RNLS: variants seen among roughly 807,000 people sequenced by gnomAD.
RNLS encodes the protein renalase, FAD dependent amine oxidase.
A neutral mutation model predicts 39.8 loss-of-function variants in RNLS; 39 were observed. The observed-to-expected ratio is 0.98, with a 90% CI of 0.76 to 1.28. The LOEUF (loss-of-function observed/expected upper bound fraction) is 1.28. Among genes scored for constraint, RNLS ranks in the 50% most tolerant of loss-of-function variants. The probability of loss-of-function intolerance (pLI) is 0.00; values close to 1 mark genes in which losing one functional copy is unlikely to be tolerated. For synonymous variants in RNLS, 147 were observed against 150.7 expected, an observed-to-expected ratio of 0.98 and a Z score of 0.18; for missense variants, 410 against 413.3, an observed-to-expected ratio of 0.99 and a Z score of 0.07.
the RNLS span, among the ~76,000 whole-genome samples, chr10:88,203,296 GTATATATA>G: frequency 1.1e-3 from 3 of 2,748 alleles, no homozygotes; most frequent in African/African-American, 5.0e-3. Flanking sequence ...ATATACGTAT[GTATATATA>G]TATATATACG....
At chr10:88,541,987 G>T (rs113323121) in intron 4 of RNLS, among the ~76,000 whole-genome samples, 1,959 of 152,226 alleles carry the variant, frequency 0.013, 47 homozygotes, top group African/African-American at 0.044. Context: ...AGGTATTTCT[G>T]GGGGAGAAGG....
At chr10:88,299,725 A>G (rs977238216) in intron 6 of RNLS, among the ~76,000 whole-genome samples, 2 of 152,196 alleles carry the variant, frequency 1.3e-5, no homozygotes, top group African/African-American at 4.8e-5. Context: ...CAGGTCTATG[A>G]TCCATTTTTA....
the RNLS span, among the ~76,000 whole-genome samples, chr10:88,199,309 TG>T: frequency 0.012 from 1,889 of 152,212 alleles, 17 homozygotes; most frequent in Non-Finnish European, 0.02. Context: ...GGGTGTGGCC[TG>T]GGGGGTCCTG....
At chr10:88,565,754 T>C (rs1167518534) in intron 4 of RNLS, among the ~76,000 whole-genome samples, 2 of 144,942 alleles carry the variant, frequency 1.4e-5, no homozygotes, top group African/African-American at 2.6e-5. Flanking sequence ...TTTCTTTTTT[T>C]TTTTTTTTTT....
the RNLS span, among the ~76,000 whole-genome samples, chr10:88,172,858 T>TTTTTTTG: frequency 1.3e-5 from 1 of 79,476 alleles, no homozygotes; most frequent in Non-Finnish European, 2.9e-5. Flanking sequence ...TTTTTTTTTT[T>TTTTTTTG]TTTTTTTTTT....
intron 6 of RNLS, among the ~76,000 whole-genome samples, chr10:88,308,183 C>T (rs1389419062): frequency 1.3e-5 from 2 of 152,132 alleles, no homozygotes; most frequent in African/African-American, 2.4e-5. Context: ...CCCTGGAAGA[C>T]AACCTAGGCA....
chr10:88,492,024 A>T (rs1192580350), intron 4 of RNLS, among the ~76,000 whole-genome samples: 1 of 152,048 alleles, frequency 6.6e-6, no homozygotes, highest in Non-Finnish European at 1.5e-5. Flanking sequence ...GAAAGGTAAA[A>T]AGAAAAATCA....
Position 88,510,431 on chromosome 10 carries a change from C to G in RNLS, c.526+62472G>C, listed in dbSNP as rs544263573. On this transcript the variant is annotated intron_variant, in intron 4 of 6. Transcript: ENST00000331772. The stretch of plus-strand genomic sequence containing the variant: ...AAACTCCACTGACTCACATCACAAG[C>G]AGCTTCAGAACAAAGTTTTTGCTAA... Among the ~76,000 whole-genome samples the G allele has an allele frequency of 3.3e-5, 5 of 152,180 alleles. No individual in the cohort carries two copies. The South Asian group carries it at 1.0e-3, about 32-fold the overall frequency.
intron 4 of RNLS, among the ~76,000 whole-genome samples, chr10:88,532,451 A>G (rs1308539230): frequency 1.3e-5 from 2 of 152,038 alleles, no homozygotes; most frequent in Non-Finnish European, 2.9e-5. Context: ...TATTGTTTCT[A>G]ATGATGAAAT....
At chr10:88,402,120 A>G (rs185997545) in intron 4 of RNLS, among the ~76,000 whole-genome samples, 1 of 152,156 alleles carries the variant, frequency 6.6e-6, no homozygotes, top group Non-Finnish European at 1.5e-5. Flanking sequence ...CATGCCTTTC[A>G]AAAGAGGGAG....
At chr10:88,369,425 G>A (rs543634691) in intron 4 of RNLS, among the ~76,000 whole-genome samples, 39 of 152,248 alleles carry the variant, frequency 2.6e-4, no homozygotes, top group African/African-American at 7.7e-4. Flanking sequence ...ACAGAGGCTG[G>A]GATATTGATT....
chr10:88,386,293 G>C (rs1851851637), intron 4 of RNLS, among the ~76,000 whole-genome samples: 1 of 152,174 alleles, frequency 6.6e-6, no homozygotes, highest in Non-Finnish European at 1.5e-5. Flanking sequence ...TGTGCCATTA[G>C]AGAGTATTTT....
intron 4 of RNLS, among the ~76,000 whole-genome samples, chr10:88,392,696 T>C (rs1213166598): frequency 2.0e-5 from 3 of 152,168 alleles, no homozygotes; most frequent in Admixed American, 2.0e-4. Context: ...AGATTCTGAT[T>C]TCAAGAGTTG....
At chr10:88,386,347 G>A (rs1398428711) in intron 4 of RNLS, among the ~76,000 whole-genome samples, 1 of 152,034 alleles carries the variant, frequency 6.6e-6, no homozygotes, top group Non-Finnish European at 1.5e-5. Context: ...TAACCAAAAG[G>A]CTAAAATTGG....
intron 4 of RNLS, among the ~76,000 whole-genome samples, chr10:88,549,433 G>A (rs1251670038): frequency 6.6e-6 from 1 of 151,848 alleles, no homozygotes; most frequent in African/African-American, 2.4e-5. Flanking sequence ...AGGCGTGGTG[G>A]TATGCACCTA....
At chr10:88,297,415 T>TAA (rs1844170916) in intron 6 of RNLS, among the ~76,000 whole-genome samples, 1 of 152,156 alleles carries the variant, frequency 6.6e-6, no homozygotes, top group African/African-American at 2.4e-5. Context: ...ACTCCCTTAA[T>TAA]GACCATTGAT....
chr10:88,483,230 G>A (rs1056395511), intron 4 of RNLS, among the ~76,000 whole-genome samples: 2 of 152,092 alleles, frequency 1.3e-5, no homozygotes, highest in African/African-American at 4.8e-5. Flanking sequence ...GCCTCTGTCT[G>A]ATTCCATAGC....
intron 4 of RNLS, among the ~76,000 whole-genome samples, chr10:88,404,385 A>G (rs1853135036): frequency 6.6e-6 from 1 of 152,078 alleles, no homozygotes; most frequent in Non-Finnish European, 1.5e-5. Flanking sequence ...AGAGTTCTGT[A>G]AACTTCTCTA....
chr10:88,375,907 G>T (rs978219064), intron 4 of RNLS, among the ~76,000 whole-genome samples: 5 of 152,068 alleles, frequency 3.3e-5, no homozygotes, highest in African/African-American at 1.2e-4. Context: ...AAGGAGTAGG[G>T]GCTTGGCACT....
Sources: gnomAD v4.1 joint callset for allele counts (sites outside exome capture counted in the v4.1 genomes callset) on GRCh38, gnomAD v4.1.1 for gene constraint, MANE v1.5 for transcripts, NCBI Gene and HGNC (gene_info 2026-07-23, HGNC 2026-07-21) for gene names.